PCGF5: variants seen among roughly 807,000 people sequenced by gnomAD.
The protein encoded by PCGF5 is polycomb group ring finger 5, also known as polycomb group RING finger protein 5.
In PCGF5, 9 loss-of-function variants were observed where a neutral mutation model predicts 44.3. The observed-to-expected ratio is 0.20, with a 90% CI of 0.12 to 0.35. PCGF5 has a LOEUF of 0.35. Ranked by LOEUF, PCGF5 falls within the 10% of genes least tolerant of loss-of-function variation. PCGF5 has a pLI of 1.00. For missense variants in PCGF5, 146 were observed against 305.3 expected (o/e 0.48, Z 3.89); for synonymous variants, 95 against 102.5 (o/e 0.93, Z 0.44).
intron 1 of PCGF5, among the ~76,000 whole-genome samples, chr10:91,180,919 G>A (rs905918125): frequency 6.6e-6 from 1 of 152,136 alleles, no homozygotes; most frequent in Non-Finnish European, 1.5e-5. Flanking sequence ...AAATAGCATT[G>A]AATCTATAAA....
intron 1 of PCGF5, among the ~76,000 whole-genome samples, chr10:91,171,714 C>T (rs1843609401): frequency 6.6e-6 from 1 of 152,072 alleles, no homozygotes; most frequent in Non-Finnish European, 1.5e-5. Flanking sequence ...GAGGGAGGTT[C>T]TGAGGGTAGT....
At chr10:91,190,491 G>T (rs367997859) in intron 1 of PCGF5, among the ~76,000 whole-genome samples, 1 of 152,104 alleles carries the variant, frequency 6.6e-6, no homozygotes, top group Admixed American at 6.5e-5. Flanking sequence ...ATGAGATTTG[G>T]TCTAAATTAT....
At chr10:91,224,306 T>C (rs577569901) in intron 2 of PCGF5, among the ~76,000 whole-genome samples, 17 of 152,312 alleles carry the variant, frequency 1.1e-4, no homozygotes, top group Non-Finnish European at 1.8e-4. Context: ...CTATGTACTA[T>C]CTTGTATTAC....
At chr10:91,172,629 A>G (rs1843630240) in intron 1 of PCGF5, among the ~76,000 whole-genome samples, 1 of 152,238 alleles carries the variant, frequency 6.6e-6, no homozygotes, top group African/African-American at 2.4e-5. Flanking sequence ...ACACTTCCTC[A>G]ATGGCAAAAA....
At chr10:91,188,911 G>A (rs565900551) in intron 1 of PCGF5, among the ~76,000 whole-genome samples, 1 of 152,344 alleles carries the variant, frequency 6.6e-6, no homozygotes, top group South Asian at 2.1e-4. Flanking sequence ...GGCTTGAAGA[G>A]AAAGGTAAAG....
intron 3 of PCGF5, among the ~76,000 whole-genome samples, chr10:91,246,569 G>T (rs1845463935): frequency 6.6e-6 from 1 of 152,108 alleles, no homozygotes; most frequent in East Asian, 1.9e-4. Context: ...TAGGAAGATT[G>T]ATTATGAACA....
intron 2 of PCGF5, among the ~76,000 whole-genome samples, chr10:91,230,788 T>A (rs1844981303): frequency 6.6e-6 from 1 of 152,020 alleles, no homozygotes; most frequent in African/African-American, 2.4e-5. Context: ...CCCAGCTAGT[T>A]TTTTTTGTAT....
intron 1 of PCGF5, among the ~76,000 whole-genome samples, chr10:91,210,902 A>G (rs1844440075): frequency 6.6e-6 from 1 of 152,236 alleles, no homozygotes; most frequent in Non-Finnish European, 1.5e-5. Flanking sequence ...GTAGAAGAAT[A>G]TCTCATTTTT....
rs1384673483 is a variant in PCGF5 at position 91,279,348 on chromosome 10, C to T, written c.*1032C>T. ...AGTTGTAGATTAAAACTGTTAGTTA[C>T]CTTTCACATTTCCAAACTATGTGCA... On this transcript the variant is annotated 3_prime_UTR_variant, in exon 10 of 10. Transcript: ENST00000336126. 2.0e-5 allele frequency: 3 copies of T among 152,092 alleles called. No homozygotes were observed. The highest frequency in any genetic ancestry group is 4.4e-5 in the Non-Finnish European group (3 of 68,006). 9.4% of individuals were successfully genotyped at this position (152,092 alleles called of 1,614,324 possible).
At chr10:91,172,777 G>A (rs115908287) in intron 1 of PCGF5, among the ~76,000 whole-genome samples, 1 of 152,160 alleles carries the variant, frequency 6.6e-6, no homozygotes, top group East Asian at 1.9e-4. Context: ...AAAGGTTTGC[G>A]CATAGGTCCT....
chr10:91,262,885 A>G (rs563511572), intron 7 of PCGF5, among the ~76,000 whole-genome samples: 2 of 152,204 alleles, frequency 1.3e-5, no homozygotes, highest in African/African-American at 4.8e-5. Flanking sequence ...GCAAAATACC[A>G]TGTATGGTTT....
intron 2 of PCGF5, among the ~76,000 whole-genome samples, chr10:91,234,924 T>A (rs1294473650): frequency 3.9e-5 from 6 of 152,200 alleles, no homozygotes; most frequent in Non-Finnish European, 4.4e-5. Context: ...TTCATGTATA[T>A]CTGCATTATA....
At chr10:91,171,907 G>A (rs1843614074) in intron 1 of PCGF5, among the ~76,000 whole-genome samples, 1 of 152,224 alleles carries the variant, frequency 6.6e-6, no homozygotes, top group Non-Finnish European at 1.5e-5. Context: ...CAGTGTCAGT[G>A]TCTGTCTTTA....
At chr10:91,222,621 G>C (rs1243234669) in intron 1 of PCGF5, 68 bp from the exon 2 acceptor site, 2 of 483,906 alleles carry the variant, frequency 4.1e-6, no homozygotes, top group Non-Finnish European at 7.2e-6. Flanking sequence ...TTAATAGAAT[G>C]ACATTAATAC....
chr10:91,170,214 G>A (rs745875670), intron 1 of PCGF5, among the ~76,000 whole-genome samples: 2 of 152,194 alleles, frequency 1.3e-5, no homozygotes, highest in Non-Finnish European at 2.9e-5. Context: ...CTTGGGTTTG[G>A]TGATGACTTT....
chr10:91,241,143 C>T (rs1845314008), intron 3 of PCGF5, among the ~76,000 whole-genome samples: 1 of 151,502 alleles, frequency 6.6e-6, no homozygotes, highest in African/African-American at 2.4e-5. Context: ...GGTGCGATCT[C>T]AGCTCACCGC....
At chr10:91,161,514 G>T (rs981649352), upstream of PCGF5, among the ~76,000 whole-genome samples, 1 of 152,232 alleles carries the variant, frequency 6.6e-6, no homozygotes, top group Non-Finnish European at 1.5e-5. Flanking sequence ...GCTGTAAAAT[G>T]ACTGGGTTCA....
chr10:91,221,028 C>T (rs1282026399), intron 1 of PCGF5, among the ~76,000 whole-genome samples, 192 bp downstream of exon 1: 2 of 151,742 alleles, frequency 1.3e-5, no homozygotes, highest in Non-Finnish European at 2.9e-5. Context: ...GCGGGGAGAG[C>T]GGCCGGCTGC....
intron 1 of PCGF5, among the ~76,000 whole-genome samples, chr10:91,184,863 A>G (rs1410467830): frequency 1.3e-5 from 2 of 152,202 alleles, no homozygotes; most frequent in Admixed American, 1.3e-4. Flanking sequence ...AAAGCAACAA[A>G]GATGGCAGTG....
Sources: gnomAD v4.1 joint callset for allele counts (sites outside exome capture counted in the v4.1 genomes callset) on GRCh38, gnomAD v4.1.1 for gene constraint, MANE v1.5 for transcripts, NCBI Gene and HGNC (gene_info 2026-07-23, HGNC 2026-07-21) for gene names.